Variants in NRXN3 observed in about 807,000 individuals in gnomAD.
NRXN3 encodes neurexin III.
A neutral mutation model predicts 137.6 loss-of-function variants in NRXN3; 32 were observed. That is an observed-to-expected ratio of 0.23 (90% confidence interval 0.18 to 0.31). The LOEUF is 0.31. Among genes scored for constraint, NRXN3 ranks in the 10% least tolerant of loss-of-function variants. The pLI is 1.00. For missense variants in NRXN3, 1,574 were observed against 2,062.5 expected (o/e 0.76, Z 4.59); for synonymous variants, 798 against 784.5 (o/e 1.02, Z -0.29).
chr14:78,968,387 C>G (rs773979507), intron 14 of NRXN3, 41 bp downstream of exon 14: 1 of 1,589,838 alleles, frequency 6.3e-7, no homozygotes, highest in Non-Finnish European at 8.6e-7. Context: ...AGCCTTGTTG[C>G]AAGCACCAAG....
At chr14:78,240,069 G>A (rs1475943584) in intron 1 of NRXN3, among the ~76,000 whole-genome samples, 1 of 152,174 alleles carries the variant, frequency 6.6e-6, no homozygotes, top group East Asian at 1.9e-4. Flanking sequence ...TTTCTGGGGT[G>A]TAAATACTCC....
chr14:79,563,278 G>T (rs2097518255), intron 16 of NRXN3, among the ~76,000 whole-genome samples: 1 of 152,082 alleles, frequency 6.6e-6, no homozygotes, highest in Admixed American at 6.6e-5. Flanking sequence ...GACCATAAAA[G>T]TGACCCAAGT....
At chr14:79,334,011 A>G (rs111563677) in intron 15 of NRXN3, among the ~76,000 whole-genome samples, 1 of 152,206 alleles carries the variant, frequency 6.6e-6, no homozygotes, top group African/African-American at 2.4e-5. Context: ...CTGAAAATAA[A>G]ATAATGTGAA....
chr14:79,336,785 G>A (rs573820633), intron 15 of NRXN3, among the ~76,000 whole-genome samples: 4 of 152,204 alleles, frequency 2.6e-5, no homozygotes, highest in South Asian at 4.1e-4. Flanking sequence ...ATCTCAGTTG[G>A]CATCTTTGTG....
chr14:79,508,906 T>C (rs73341438), intron 16 of NRXN3, among the ~76,000 whole-genome samples: 8,362 of 152,124 alleles, frequency 0.055, 600 homozygotes, highest in African/African-American at 0.17. Flanking sequence ...TCAATAATAA[T>C]GCTAACCAAG....
chr14:79,720,270 C>A (rs918694538), intron 19 of NRXN3, among the ~76,000 whole-genome samples: 2 of 152,184 alleles, frequency 1.3e-5, no homozygotes, highest in African/African-American at 4.8e-5. Flanking sequence ...ACTGTAAGAA[C>A]AATATGGGGG....
intron 15 of NRXN3, among the ~76,000 whole-genome samples, chr14:79,292,195 C>T (rs1026256572): frequency 3.9e-5 from 6 of 152,182 alleles, no homozygotes; most frequent in African/African-American, 1.4e-4. Flanking sequence ...AATTCTATTA[C>T]ATTATAGGAG....
At chr14:79,379,746 G>C (rs911828519) in intron 15 of NRXN3, among the ~76,000 whole-genome samples, 2 of 152,102 alleles carry the variant, frequency 1.3e-5, no homozygotes, top group Non-Finnish European at 2.9e-5. Context: ...ACAGGGGGCA[G>C]TTTAACTGGC....
intron 4 of NRXN3, among the ~76,000 whole-genome samples, chr14:78,550,580 G>A (rs183791867): frequency 6.6e-6 from 1 of 152,154 alleles, no homozygotes; most frequent in Admixed American, 6.5e-5. Flanking sequence ...GCAAGCACCA[G>A]TTGAGAATGT....
At chr14:78,772,745 T>C (rs2153001517) in intron 8 of NRXN3, among the ~76,000 whole-genome samples, 1 of 152,304 alleles carries the variant, frequency 6.6e-6, no homozygotes, top group Non-Finnish European at 1.5e-5. Flanking sequence ...CCAGTGCTGC[T>C]AGTCAGTGAA....
intron 15 of NRXN3, among the ~76,000 whole-genome samples, chr14:79,234,332 ATATATATAATATT>A (rs1568715229): frequency 2.0e-5 from 2 of 101,810 alleles, no homozygotes; most frequent in Non-Finnish European, 4.1e-5. Flanking sequence ...ATATATATAT[ATATATATAATATT>A]TATATATATA....
In NRXN3 at chr14:79,623,384, C is replaced by A. The variant is rs546456821; in HGVS notation, c.3445-40394C>A. ...CTGGTTTAGCTTCCATTCTTACAAC[C>A]TAATTAAATTCAGCCCATCAACTCA... On this transcript the variant is annotated intron_variant, in intron 16 of 20. Coordinates refer to ENST00000335750, the MANE Select transcript of NRXN3 (RefSeq NM_001330195.2). Among the ~76,000 whole-genome samples the A allele has an allele frequency of 1.3e-4, 20 of 152,210 alleles. No homozygotes were observed. The South Asian group carries it at 3.5e-3, about 27-fold the overall frequency.
chr14:78,216,778 C>A (rs1387532058), intron 1 of NRXN3, among the ~76,000 whole-genome samples: 1 of 152,136 alleles, frequency 6.6e-6, no homozygotes, highest in Non-Finnish European at 1.5e-5. Flanking sequence ...GGCCACGGTC[C>A]CTCTGAAGGC....
intron 15 of NRXN3, among the ~76,000 whole-genome samples, chr14:79,181,520 T>TA (rs1749097861): frequency 6.6e-6 from 1 of 151,750 alleles, no homozygotes; most frequent in African/African-American, 2.4e-5. Flanking sequence ...CCGTCTCTAC[T>TA]AAAAACACAA....
intron 4 of NRXN3, among the ~76,000 whole-genome samples, chr14:78,559,964 T>C (rs906334607): frequency 6.6e-6 from 1 of 152,234 alleles, no homozygotes; most frequent in Non-Finnish European, 1.5e-5. Context: ...AAATTGCATC[T>C]TTCTTCCTTA....
intron 8 of NRXN3, among the ~76,000 whole-genome samples, chr14:78,790,865 T>C (rs1046058493): frequency 1.3e-5 from 2 of 152,170 alleles, no homozygotes; most frequent in African/African-American, 4.8e-5. Flanking sequence ...AGCAGCAAAG[T>C]CCACTTTGTG....
intron 4 of NRXN3, among the ~76,000 whole-genome samples, chr14:78,327,373 G>A (rs950040630): frequency 6.6e-6 from 1 of 152,144 alleles, no homozygotes; most frequent in Admixed American, 6.6e-5. Context: ...ATGAACACTG[G>A]CTCATCTCCT....
At chr14:79,483,775 G>A (rs1483175590) in intron 16 of NRXN3, among the ~76,000 whole-genome samples, 2 of 152,118 alleles carry the variant, frequency 1.3e-5, no homozygotes, top group Non-Finnish European at 2.9e-5. Context: ...TGATGCGTGT[G>A]TGTGTGTGGG....
Position 78,347,420 on chromosome 14 carries a change from C to T in NRXN3, c.757+49560C>T, listed in dbSNP as rs145049737. On this transcript the variant is annotated intron_variant, in intron 4 of 20. Transcript: ENST00000335750. ...AAGATGTGTCCTGTATGTTATCCCACGGAGTGTTTTACCAAGCCACTCCCT... is the reference window on the plus strand; with the variant it reads ...AAGATGTGTCCTGTATGTTATCCCATGGAGTGTTTTACCAAGCCACTCCCT... Among the ~76,000 whole-genome samples the T allele has an allele frequency of 2.7e-4, 41 of 152,328 alleles. No homozygotes were observed. The East Asian group carries it at 6.9e-3, about 26-fold the overall frequency.
Sources: gnomAD v4.1 joint callset for allele counts (sites outside exome capture counted in the v4.1 genomes callset) on GRCh38, gnomAD v4.1.1 for gene constraint, MANE v1.5 for transcripts, NCBI Gene and HGNC (gene_info 2026-07-23, HGNC 2026-07-21) for gene names.